The following TBC1D1 variants were observed in gnomAD, a reference collection of about 807,000 sequenced individuals.
TBC1D1 encodes the protein TBC1 domain family member 1.
Under a neutral mutation model 125.6 loss-of-function variants are expected in TBC1D1, and 89 were observed. The ratio of observed to expected loss-of-function variants is 0.71; its 90% CI spans 0.60 to 0.85. The LOEUF is 0.85. TBC1D1 is among the 40% of genes least tolerant of loss of function. TBC1D1 has a pLI of 0.00. For missense variants in TBC1D1, 1,377 were observed against 1,469.2 expected (o/e 0.94, Z 1.03); for synonymous variants, 565 against 564.1 (o/e 1.00, Z -0.02).
At chr4:37,894,643 C>T (rs560845324) in intron 1 of TBC1D1, among the ~76,000 whole-genome samples, 1 of 152,322 alleles carries the variant, frequency 6.6e-6, no homozygotes, top group Admixed American at 6.5e-5. Flanking sequence ...TGAATTTATA[C>T]ATGCAAAGTG....
chr4:37,969,707 T>C (rs1731691163), intron 2 of TBC1D1, among the ~76,000 whole-genome samples: 1 of 152,226 alleles, frequency 6.6e-6, no homozygotes, highest in Admixed American at 6.5e-5. Context: ...TTAACTTACC[T>C]AAAGTCATTC....
At chr4:37,997,143 G>A (rs749108876) in intron 2 of TBC1D1, among the ~76,000 whole-genome samples, 2 of 152,160 alleles carry the variant, frequency 1.3e-5, no homozygotes, top group East Asian at 1.9e-4. Flanking sequence ...TGGTTAACAC[G>A]CTAATGGTTT....
intron 18 of TBC1D1, among the ~76,000 whole-genome samples, chr4:38,131,192 G>A (rs1273345110): frequency 6.6e-6 from 1 of 152,192 alleles, no homozygotes; most frequent in Non-Finnish European, 1.5e-5. Flanking sequence ...TTTGGGTACT[G>A]CTGAGAGCCA....
chr4:37,901,518 A>G (rs1715993924), intron 1 of TBC1D1, among the ~76,000 whole-genome samples: 1 of 152,204 alleles, frequency 6.6e-6, no homozygotes, highest in African/African-American at 2.4e-5. Context: ...ATAGCACATG[A>G]ACTGAATAAA....
chr4:37,898,671 G>C (rs747823354), intron 1 of TBC1D1, among the ~76,000 whole-genome samples: 3 of 152,164 alleles, frequency 2.0e-5, no homozygotes, highest in Non-Finnish European at 4.4e-5. Context: ...AATGCTGACT[G>C]TCTGGCTACT....
rs76457276 is a variant in TBC1D1 at position 37,896,323 on chromosome 4, A to G, written c.-94+4975A>G. ...ATCCTGCTCTCTGTAGTTTGCTGTG[A>G]AGGAGTGGAGGGGGCTGGGAACAAA... On this transcript the variant is annotated intron_variant, in intron 1 of 19. Transcript: ENST00000261439. Among the ~76,000 whole-genome samples the G allele has an allele frequency of 9.6e-3, 1,454 of 152,206 alleles. 21 individuals carry two copies. The highest frequency in any genetic ancestry group is 0.015 in the Non-Finnish European group (1,004 of 68,000).
intron 2 of TBC1D1, among the ~76,000 whole-genome samples, chr4:37,943,264 T>G (rs1725962725): frequency 6.6e-6 from 1 of 152,222 alleles, no homozygotes; most frequent in Non-Finnish European, 1.5e-5. Context: ...TGGCTGCCCT[T>G]AACATTTTTT....
intron 2 of TBC1D1, among the ~76,000 whole-genome samples, chr4:37,980,524 A>C (rs1481921954): frequency 1.3e-5 from 2 of 152,244 alleles, no homozygotes; most frequent in Admixed American, 6.5e-5. Flanking sequence ...AGTAACTTCC[A>C]GAATTTATTT....
chr4:37,900,653 A>C (rs1715769493), intron 1 of TBC1D1, among the ~76,000 whole-genome samples: 1 of 152,184 alleles, frequency 6.6e-6, no homozygotes, highest in African/African-American at 2.4e-5. Flanking sequence ...GAGAGACTGA[A>C]GATCCAGGGA....
At chr4:38,036,327 A>G (rs1190001436) in intron 8 of TBC1D1, among the ~76,000 whole-genome samples, 2 of 152,120 alleles carry the variant, frequency 1.3e-5, no homozygotes, top group African/African-American at 2.4e-5. Context: ...GGGAGTCCCT[A>G]TGTTACATGG....
chr4:38,129,391 C>T (rs1485238580), intron 18 of TBC1D1, among the ~76,000 whole-genome samples: 2 of 152,094 alleles, frequency 1.3e-5, no homozygotes, highest in Non-Finnish European at 2.9e-5. Context: ...TGGGGCGTGG[C>T]GGGGAGAAGT....
chr4:38,102,509 G>A (rs1173460123), intron 14 of TBC1D1, among the ~76,000 whole-genome samples: 1 of 152,096 alleles, frequency 6.6e-6, no homozygotes, highest in Non-Finnish European at 1.5e-5. Flanking sequence ...GGGGAGAATA[G>A]GGGGTGGAAG....
At chr4:37,948,966 G>A (rs1360483864) in intron 2 of TBC1D1, among the ~76,000 whole-genome samples, 1 of 152,112 alleles carries the variant, frequency 6.6e-6, no homozygotes, top group African/African-American at 2.4e-5. Context: ...TCCTTTTATG[G>A]ATGAATAATA....
At chr4:37,993,594 AT>A (rs1227285546) in intron 2 of TBC1D1, among the ~76,000 whole-genome samples, 4 of 132,454 alleles carry the variant, frequency 3.0e-5, no homozygotes, top group East Asian at 6.4e-4. Flanking sequence ...TTATTTATTT[AT>A]TTTTGAGATG....
At chr4:38,085,401 G>A (rs1336531384) in intron 12 of TBC1D1, among the ~76,000 whole-genome samples, 4 of 152,148 alleles carry the variant, frequency 2.6e-5, no homozygotes, top group East Asian at 1.9e-4. Context: ...AGTTGTTATC[G>A]CAGCCCTTTG....
intron 6 of TBC1D1, among the ~76,000 whole-genome samples, chr4:38,026,020 T>A (rs188694637): frequency 1.2e-4 from 18 of 152,056 alleles, no homozygotes; most frequent in African/African-American, 3.1e-4. Context: ...ACTTAGCTGA[T>A]GACCTTGGAC....
At chr4:38,058,951 G>C (rs1180160613) in intron 12 of TBC1D1, among the ~76,000 whole-genome samples, 1 of 152,190 alleles carries the variant, frequency 6.6e-6, no homozygotes, top group African/African-American at 2.4e-5. Context: ...GTCAGGCACA[G>C]TGGATAGAGG....
At chr4:38,121,636 C>T (rs1262914801) in intron 17 of TBC1D1, among the ~76,000 whole-genome samples, 2 of 152,116 alleles carry the variant, frequency 1.3e-5, no homozygotes, top group Non-Finnish European at 2.9e-5. Context: ...TTCACTGTCT[C>T]CTAGGGAGGT....
intron 1 of TBC1D1, among the ~76,000 whole-genome samples, chr4:37,898,278 T>C (rs1255480925): frequency 6.6e-6 from 1 of 152,198 alleles, no homozygotes; most frequent in Non-Finnish European, 1.5e-5. Flanking sequence ...CAGAAAAGCC[T>C]GCTGATACAT....
Sources: gnomAD v4.1 joint callset for allele counts (sites outside exome capture counted in the v4.1 genomes callset) on GRCh38, gnomAD v4.1.1 for gene constraint, MANE v1.5 for transcripts, NCBI Gene and HGNC (gene_info 2026-07-23, HGNC 2026-07-21) for gene names.